The following IRX1 variants were observed in gnomAD, a reference collection of about 807,000 sequenced individuals.
IRX1 encodes iroquois homeobox 1.
A neutral mutation model predicts 34.1 loss-of-function variants in IRX1; 22 were observed. The observed-to-expected ratio is 0.64, with a 90% CI of 0.46 to 0.92. The LOEUF (loss-of-function observed/expected upper bound fraction) is 0.92. IRX1 is among the 40% of genes least tolerant of loss of function. The pLI, the probability that IRX1 is intolerant of heterozygous loss-of-function variation, is 0.00. For synonymous variants in IRX1, 363 were observed against 319.0 expected (o/e 1.14, Z -1.47); for missense variants, 758 against 680.0 (o/e 1.11, Z -1.28).
chr5:3,599,207 TCTGC>T lies in IRX1; in HGVS notation c.277-16_277-13del, dbSNP rs1733875546. 6.2e-7 allele frequency: 1 copy of T among 1,605,500 alleles called. No homozygotes were observed. The highest frequency in any genetic ancestry group is 8.5e-7 in the Non-Finnish European group (1 of 1,174,356). ...TTCCCTCCTCTCTCTCCTCGATGGA[TCTGC>T]CCTGTGGCTTCAGGGCTCGCAGTAT... is the stretch of plus-strand genomic sequence containing the variant. On this transcript the variant is annotated splice_polypyrimidine_tract_variant and intron_variant, in intron 1 of 3. Coordinates refer to ENST00000302006, the MANE Select transcript of IRX1 (RefSeq NM_024337.4). This position sits in a 1 kb window ranked among gnomAD's most constrained non-coding sequence, Gnocchi z 6.6.
chr5:3,599,172 C>T lies in IRX1; in HGVS notation c.277-53C>T, dbSNP rs1733873518. 2 of 1,535,676 alleles carry T rather than the reference C, an allele frequency of 1.3e-6. No homozygotes were observed. Among genetic ancestry groups the T allele is most frequent in the South Asian group, 2.4e-5 (2 of 83,222 alleles). ...CATGTCTCTCTCTCTCTCTCCCTTTCTCTCTCCACTTCCCTCCTCTCTCTC... is the reference window on the plus strand; with the variant it reads ...CATGTCTCTCTCTCTCTCTCCCTTTTTCTCTCCACTTCCCTCCTCTCTCTC... On this transcript the variant is annotated intron_variant, in intron 1 of 3. Coordinates refer to ENST00000302006, the MANE Select transcript of IRX1 (RefSeq NM_024337.4). The surrounding 1 kb of genome is among the most constrained non-coding windows in gnomAD (Gnocchi z 6.6).
Position 3,599,156 on chromosome 5 carries a change from C to A in IRX1, c.277-69C>A. The A allele has an allele frequency of 1.4e-6, 2 of 1,460,792 alleles. No individual in the cohort carries two copies. Among genetic ancestry groups the A allele is most frequent in the Non-Finnish European group, 1.9e-6 (2 of 1,076,884 alleles). The allele number at this position is 1,460,792 out of a possible 1,614,324, so 90.5% of individuals were successfully genotyped here. Reference sequence around the variant, plus strand: ...TCCCGTCTTGGGGACTCATGTCTCTCTCTCTCTCTCCCTTTCTCTCTCCAC... The same window carrying A: ...TCCCGTCTTGGGGACTCATGTCTCTATCTCTCTCTCCCTTTCTCTCTCCAC... On this transcript the variant is annotated intron_variant, in intron 1 of 3. Coordinates refer to ENST00000302006, the MANE Select transcript of IRX1 (RefSeq NM_024337.4). The surrounding 1 kb of genome is among the most constrained non-coding windows in gnomAD (Gnocchi z 6.6).
rs1283546930 is a variant in IRX1 at position 3,600,353 on chromosome 5, G to A, written c.1312+93G>A. The A allele has an allele frequency of 3.9e-6, 5 of 1,269,606 alleles. No individual in the cohort carries two copies. In the Admixed American group the frequency reaches 8.4e-5, roughly 21 times the overall value. 78.6% of individuals were successfully genotyped at this position (1,269,606 alleles called of 1,614,324 possible). A position where few individuals can be genotyped will look rare whatever the true frequency, so the allele number is the denominator to read the frequency against. On this transcript the variant is annotated intron_variant, in intron 2 of 3. Transcript: ENST00000302006. ...CGTGGGGTGCAGCATGAGCCGGGAG[G>A]GTACCAGGCAGTGGCCGCTGAGCCC...
Position 3,600,605 on chromosome 5 carries a change from G to T in IRX1, c.1313-4G>T, listed in dbSNP as rs1260450041. On this transcript the variant is annotated splice_polypyrimidine_tract_variant and splice_region_variant and intron_variant, in intron 2 of 3. Transcript: ENST00000302006. ...CTAACTCTGCCTCTTCCGATCTCTC[G>T]CAGAGAGAGACCTCGTCCCCAGGCC... The T allele has an allele frequency of 2.5e-6, 4 of 1,612,150 alleles. No individual in the cohort carries two copies. Among genetic ancestry groups the T allele is most frequent in the Admixed American group, 1.7e-5 (1 of 60,022 alleles).
At position 3,599,922 on chromosome 5, in the gene IRX1, G is replaced by C. The variant is rs757227008; in HGVS notation, c.974G>C (p.Ser325Thr). Residue 325 changes from serine (S) to threonine (T), a missense_variant, in exon 2 of 4, where the codon AGC becomes ACC. By Grantham distance (58) the Ser-to-Thr change is moderately conservative (BLOSUM62 1). Around this residue, in one of 3 missense-constraint regions of IRX1, gnomAD observed 529 missense variants for 418.8 expected, o/e 1.26. Coordinates refer to ENST00000302006, the MANE Select transcript of IRX1 (RefSeq NM_024337.4). The surrounding 1 kb of genome is among the most constrained non-coding windows in gnomAD (Gnocchi z 6.6). ...TGGTCGCTGGCGGAGACAGCCACGAGCCCCGACGGTGCGCCCAAGGCTTCG... is the reference window on the plus strand; with the variant it reads ...TGGTCGCTGGCGGAGACAGCCACGACCCCCGACGGTGCGCCCAAGGCTTCG... Reference protein sequence around the residue: ...KIWSLAETATSPDGAPKASPP... With the variant: ...KIWSLAETATTPDGAPKASPP... 3.9e-5 allele frequency: 58 copies of C among 1,485,462 alleles called. No homozygotes were observed. In the Middle Eastern group the frequency reaches 7.0e-4, roughly 18 times the overall value. The allele number at this position is 1,485,462 out of a possible 1,614,324, so 92.0% of individuals were successfully genotyped here.
intron 1 of IRX1, among the ~76,000 whole-genome samples, chr5:3,597,758 C>A (rs1268641851): frequency 6.6e-6 from 1 of 152,224 alleles, no homozygotes; most frequent in Non-Finnish European, 1.5e-5. Flanking sequence ...GTTTTCTCTG[C>A]GGCCTCAGTC....
chr5:3,600,526 C>T (rs926453060), intron 2 of IRX1, 83 bp from the exon 3 acceptor site: 1 of 1,297,570 alleles, frequency 7.7e-7, no homozygotes, highest in Non-Finnish European at 1.1e-6. Context: ...CCTGGGCAGC[C>T]GGCAGAAGTT....
chr5:3,599,063 C>G lies in IRX1; in HGVS notation c.277-162C>G, dbSNP rs916107261. ...ACTGGGGGTGACTTCCTGATCTGCC[C>G]AGCACAGGAGAGCCCCGCAAAGCGC... On this transcript the variant is annotated intron_variant, in intron 1 of 3. Coordinates refer to ENST00000302006, the MANE Select transcript of IRX1 (RefSeq NM_024337.4). This position sits in a 1 kb window ranked among gnomAD's most constrained non-coding sequence, Gnocchi z 6.6. Among the ~76,000 whole-genome samples, 2 of 152,128 alleles carry G rather than the reference C, an allele frequency of 1.3e-5. No homozygotes were observed. The highest frequency in any genetic ancestry group is 2.9e-5 in the Non-Finnish European group (2 of 68,028).
intron 1 of IRX1, among the ~76,000 whole-genome samples, chr5:3,597,501 T>C (rs529449980): frequency 3.7e-4 from 57 of 152,314 alleles, no homozygotes; most frequent in African/African-American, 1.3e-3. Context: ...ACTTTTCTTG[T>C]AGTTTTGAAA....
rs765999859 is a variant in IRX1 at position 3,599,590 on chromosome 5, G to A, written c.642G>A (p.Pro214=). The part of the protein sequence containing the change: ...ALFGSDTEGD[P]EKAEDDEEID... The stretch of plus-strand genomic sequence containing the variant: ...TCGGCAGCGACACCGAGGGCGACCC[G>A]GAGAAGGCCGAGGACGACGAGGAGA... Residue 214 remains proline, a synonymous_variant, in exon 2 of 4, where the codon CCG becomes CCA. Transcript: ENST00000302006. The surrounding 1 kb of genome is among the most constrained non-coding windows in gnomAD (Gnocchi z 6.6). The A allele has an allele frequency of 1.9e-6, 3 of 1,614,002 alleles. No individual in the cohort carries two copies. Among genetic ancestry groups the A allele is most frequent in the African/African-American group, 2.7e-5 (2 of 74,950 alleles).
intron 2 of IRX1, 25 bp downstream of exon 2, chr5:3,600,285 T>C: frequency 6.5e-7 from 1 of 1,533,198 alleles, no homozygotes; most frequent in Non-Finnish European, 8.7e-7. Context: ...CGCGTCCACC[T>C]GTCCCCTAGC....
Position 3,601,063 on chromosome 5 carries a change from G to A in IRX1, c.*23G>A. On this transcript the variant is annotated 3_prime_UTR_variant, in exon 4 of 4. Transcript: ENST00000302006. The stretch of plus-strand genomic sequence containing the variant: ...TGATTAAGGGTCTTCTTTTACTTTT[G>A]CGGGGGGGAGGGGGGAGGAGTTGGG... 6.2e-7 allele frequency: 1 copy of A among 1,608,034 alleles called. No individual in the cohort carries two copies. Among genetic ancestry groups the A allele is most frequent in the Non-Finnish European group, 8.5e-7 (1 of 1,175,306 alleles).
chr5:3,596,123 G>A lies in IRX1; in HGVS notation c.18G>A (p.Leu6=). 9.5e-7 allele frequency: 1 copy of A among 1,053,986 alleles called. No individual in the cohort carries two copies. The highest frequency in any genetic ancestry group is 1.1e-6 in the Non-Finnish European group (1 of 874,914). 65.3% of individuals were successfully genotyped at this position (1,053,986 alleles called of 1,614,324 possible). ...CCGCGGACATGTCCTTCCCGCAGCTGGGCTACCCGCAGTACCTGAGCGCCG... is the reference window on the plus strand; with the variant it reads ...CCGCGGACATGTCCTTCCCGCAGCTAGGCTACCCGCAGTACCTGAGCGCCG... MSFPQ[L]GYPQYLSAAG... The change falls in exon 1 of 4, where the codon CTG becomes CTA. Residue 6 remains leucine (L), a synonymous_variant. Transcript: ENST00000302006.
At chr5:3,597,127 G>T (rs1743714867) in intron 1 of IRX1, among the ~76,000 whole-genome samples, 2 of 152,198 alleles carry the variant, frequency 1.3e-5, no homozygotes, top group Admixed American at 6.5e-5. Context: ...TTACATAATG[G>T]AGGATTAAAG....
chr5:3,596,378 G>A lies in IRX1; in HGVS notation c.273G>A (p.Gln91=), dbSNP rs546945347. ...PYAADLSLFS[Q]MGSQYELKDN... Reference sequence around the variant, plus strand: ...CCGCGGATCTCAGCCTCTTCTCGCAGATGGTGAGTGCGCCCGGCCTCCCCC... The same window carrying A: ...CCGCGGATCTCAGCCTCTTCTCGCAAATGGTGAGTGCGCCCGGCCTCCCCC... The change falls in exon 1 of 4, where the codon CAG becomes CAA. Residue 91 remains glutamine, a synonymous_variant. Transcript: ENST00000302006. The A allele has an allele frequency of 2.6e-6, 4 of 1,528,926 alleles. No homozygotes were observed. The African/African-American group carries it at 4.3e-5, about 16-fold the overall frequency. The allele number at this position is 1,528,926 out of a possible 1,614,324, so 94.7% of individuals were successfully genotyped here.
rs1475705311 is a variant in IRX1 at position 3,599,659 on chromosome 5, T to C, written c.711T>C (p.Asp237=). ...ACATTGACAAGATCGACGAGCACGA[T>C]GGCGACCAGAGCAACGAGGATGACG... ...SIDIDKIDEH[D]GDQSNEDDED... Residue 237 remains aspartate, a synonymous_variant, in exon 2 of 4, where the codon GAT becomes GAC. Coordinates refer to ENST00000302006, the MANE Select transcript of IRX1 (RefSeq NM_024337.4). This position sits in a 1 kb window ranked among gnomAD's most constrained non-coding sequence, Gnocchi z 6.6. 6.2e-7 allele frequency: 1 copy of C among 1,613,666 alleles called. No homozygotes were observed. The highest frequency in any genetic ancestry group is 1.7e-5 in the Admixed American group (1 of 60,026).
intron 1 of IRX1, among the ~76,000 whole-genome samples, chr5:3,597,381 G>A (rs1468790748): frequency 6.6e-6 from 1 of 152,164 alleles, no homozygotes; most frequent in African/African-American, 2.4e-5. Flanking sequence ...GTCGCTGCCC[G>A]CGGGATAAAG....
chr5:3,599,117 G>C lies in IRX1; in HGVS notation c.277-108G>C. On this transcript the variant is annotated intron_variant, in intron 1 of 3. Transcript: ENST00000302006. This position sits in a 1 kb window ranked among gnomAD's most constrained non-coding sequence, Gnocchi z 6.6. ...GGAGGCCCTCGAGTCCATTGAAGCG[G>C]CTGCTTCCCACTCTCCCGTCTTGGG... The C allele has an allele frequency of 1.7e-6, 2 of 1,191,298 alleles. No individual in the cohort carries two copies. The highest frequency in any genetic ancestry group is 2.3e-6 in the Non-Finnish European group (2 of 863,750). 73.8% of individuals were successfully genotyped at this position (1,191,298 alleles called of 1,614,324 possible).
intron 3 of IRX1, 96 bp downstream of exon 3, chr5:3,600,777 G>A (rs1733945247): frequency 5.6e-6 from 7 of 1,260,336 alleles, no homozygotes; most frequent in East Asian, 4.8e-5. Flanking sequence ...TGGCGGTGGG[G>A]GTCGCGCAGT....
Sources: allele counts gnomAD v4.1 joint callset (sites outside exome capture counted in the v4.1 genomes callset), GRCh38; gene constraint gnomAD v4.1.1; regional missense constraint gnomAD v4.1.1; non-coding constraint Gnocchi (gnomAD v3.1); transcripts MANE v1.5; gene names NCBI Gene and HGNC (gene_info 2026-07-23, HGNC 2026-07-21).